Variants in MKLN1 observed in about 807,000 individuals in gnomAD.
The protein encoded by MKLN1 is muskelin.
Under a neutral mutation model 99.0 loss-of-function variants are expected in MKLN1, and 18 were observed. The ratio of observed to expected loss-of-function variants is 0.18; its 90% confidence interval spans 0.13 to 0.27. The LOEUF (loss-of-function observed/expected upper bound fraction) is 0.27, where lower values mean the gene tolerates loss of function less well. Ranked by LOEUF, MKLN1 falls within the 10% of genes least tolerant of loss-of-function variation. MKLN1 has a pLI of 1.00. For missense variants in MKLN1, 621 were observed against 875.9 expected, an observed-to-expected ratio of 0.71 and a Z score of 3.67; for synonymous variants, 288 against 293.2, an observed-to-expected ratio of 0.98 and a Z score of 0.18.
intron 16 of MKLN1, among the ~76,000 whole-genome samples, chr7:131,475,200 T>C (rs1480178742): frequency 6.6e-6 from 1 of 152,058 alleles, no homozygotes; most frequent in East Asian, 1.9e-4. Flanking sequence ...ACCCTACATA[T>C]ATTAAAAGTA....
At chr7:131,310,046 A>G (rs1798538720) in intron 3 of MKLN1, 2 of 152,340 alleles carry the variant, frequency 1.3e-5, no homozygotes, top group South Asian at 4.1e-4. Flanking sequence ...TTTTAAAAGG[A>G]AAGAAGAGGC....
At chr7:131,300,300 G>A (rs1012489045) in intron 3 of MKLN1, among the ~76,000 whole-genome samples, 2 of 151,934 alleles carry the variant, frequency 1.3e-5, no homozygotes, top group African/African-American at 4.8e-5. Flanking sequence ...CAGGAAGGGA[G>A]AGGAAGGGGA....
chr7:131,283,796 G>A (rs1798094097), intron 3 of MKLN1, among the ~76,000 whole-genome samples: 1 of 152,138 alleles, frequency 6.6e-6, no homozygotes, highest in South Asian at 2.1e-4. Flanking sequence ...GACTGTGAGT[G>A]TCCTTCCCAC....
At chr7:131,174,250 G>A (rs1456057233) in intron 2 of MKLN1, among the ~76,000 whole-genome samples, 1 of 152,134 alleles carries the variant, frequency 6.6e-6, no homozygotes, top group African/African-American at 2.4e-5. Flanking sequence ...GGGATTACAG[G>A]CGTGAGCCAC....
At chr7:131,402,542 A>G (rs901244301) in intron 6 of MKLN1, among the ~76,000 whole-genome samples, 25 of 152,176 alleles carry the variant, frequency 1.6e-4, no homozygotes, top group African/African-American at 5.3e-4. Context: ...AAGGTTTTCA[A>G]TTTACTTTGC....
rs190620444 is a variant in MKLN1, at chr7:131,415,352, G to A, written c.847+642G>A. 2.1e-3 allele frequency among the ~76,000 whole-genome samples: 322 copies of A among 152,064 alleles called. 2 individuals carry two copies. The highest frequency in any genetic ancestry group is 3.4e-3 in the Non-Finnish European group (233 of 67,956). ...GCATAGAATACCACTCTTTCCAGGC[G>A]TAATGAATGCTCAATTATACTGTGT... On this transcript the variant is annotated intron_variant, in intron 8 of 17. Coordinates refer to ENST00000352689, the MANE Select transcript of MKLN1 (RefSeq NM_013255.5).
intron 2 of MKLN1, among the ~76,000 whole-genome samples, chr7:131,190,345 T>C (rs1391009870): frequency 6.6e-6 from 1 of 152,040 alleles, no homozygotes; most frequent in African/African-American, 2.4e-5. Context: ...CAGACCTACC[T>C]TGGCATTCCT....
intron 1 of MKLN1, among the ~76,000 whole-genome samples, chr7:131,132,491 T>C (rs560534629): frequency 4.7e-4 from 71 of 152,252 alleles, no homozygotes; most frequent in African/African-American, 1.6e-3. Context: ...AGAGGTGAAA[T>C]GATTGGGAAA....
chr7:131,146,033 C>G (rs1291781373), intron 2 of MKLN1, among the ~76,000 whole-genome samples: 1 of 152,192 alleles, frequency 6.6e-6, no homozygotes, highest in Non-Finnish European at 1.5e-5. Flanking sequence ...GTTGTCATTT[C>G]TAATACATCA....
intron 2 of MKLN1, among the ~76,000 whole-genome samples, chr7:131,384,245 T>G (rs192770477): frequency 6.6e-4 from 75 of 113,088 alleles, no homozygotes; most frequent in Non-Finnish European, 1.0e-3. Context: ...TACCAAGATA[T>G]GTGACATCTC....
intron 1 of MKLN1, among the ~76,000 whole-genome samples, chr7:131,335,737 C>T (rs1248184949): frequency 6.7e-6 from 1 of 148,384 alleles, no homozygotes; most frequent in Non-Finnish European, 1.5e-5. Context: ...ACTTTTTGAA[C>T]GTTTGGGGAT....
rs1489544744 is a variant in MKLN1, at chr7:131,491,044, A to G, written c.*3316A>G. On this transcript the variant is annotated 3_prime_UTR_variant, in exon 18 of 18. Coordinates refer to ENST00000352689, the MANE Select transcript of MKLN1 (RefSeq NM_013255.5). ...TAATTACATGAAGAAGTTACCTGCA[A>G]TTATTCTTAACACTACATGGAATTC... 1 of 152,146 alleles carries G rather than the reference A, an allele frequency of 6.6e-6. No homozygotes were observed. The highest frequency in any genetic ancestry group is 2.1e-4 in the South Asian group (1 of 4,824). 9.4% of individuals were successfully genotyped at this position (152,146 alleles called of 1,614,324 possible). A position where few individuals can be genotyped will look rare whatever the true frequency, so the allele number is the denominator to read the frequency against.
chr7:131,387,049 C>T (rs1794051382), intron 2 of MKLN1, 71 bp from the exon 3 acceptor site: 3 of 1,382,240 alleles, frequency 2.2e-6, no homozygotes, highest in South Asian at 1.4e-5. Flanking sequence ...TGTTAACTGG[C>T]AATAGTTTTA....
chr7:131,303,168 C>T (rs532470032), intron 3 of MKLN1, among the ~76,000 whole-genome samples: 1 of 152,324 alleles, frequency 6.6e-6, no homozygotes, highest in East Asian at 1.9e-4. Context: ...CCAGCTCCAA[C>T]TAAGCTCTGC....
At chr7:131,448,182 C>G (rs1029784114) in intron 12 of MKLN1, among the ~76,000 whole-genome samples, 1 of 152,096 alleles carries the variant, frequency 6.6e-6, no homozygotes, top group African/African-American at 2.4e-5. Flanking sequence ...GAGCCGATAT[C>G]ACGCCACTGC....
intron 1 of MKLN1, among the ~76,000 whole-genome samples, chr7:131,329,117 G>A (rs937705453): frequency 6.6e-6 from 1 of 152,238 alleles, no homozygotes; most frequent in Non-Finnish European, 1.5e-5. Flanking sequence ...GACTAGATCT[G>A]TGAAGCATAC....
At chr7:131,376,093 G>GAA (rs1324269226) in intron 2 of MKLN1, among the ~76,000 whole-genome samples, 1 of 71,492 alleles carries the variant, frequency 1.4e-5, no homozygotes, top group Non-Finnish European at 2.8e-5. Context: ...ATAATTCATG[G>GAA]AAATATATAT....
intron 3 of MKLN1, among the ~76,000 whole-genome samples, chr7:131,314,018 C>T (rs777660135): frequency 1.2e-4 from 18 of 152,142 alleles, no homozygotes; most frequent in Non-Finnish European, 2.1e-4. Context: ...GTATTTAAAC[C>T]GTGCCTTTCT....
intron 1 of MKLN1, among the ~76,000 whole-genome samples, chr7:131,142,286 C>T (rs1476381649): frequency 1.3e-5 from 2 of 152,046 alleles, no homozygotes; most frequent in Non-Finnish European, 2.9e-5. Flanking sequence ...TGGTGTGTGC[C>T]TGTAATTCCA....
Sources: allele counts gnomAD v4.1 joint callset (sites outside exome capture counted in the v4.1 genomes callset), GRCh38; gene constraint gnomAD v4.1.1; transcripts MANE v1.5; gene names NCBI Gene and HGNC (gene_info 2026-07-23, HGNC 2026-07-21).